The following MOBP variants were observed in gnomAD, a reference collection of about 807,000 sequenced individuals.
MOBP encodes myelin associated oligodendrocyte basic protein, also known as myelin-associated oligodendrocyte basic protein.
In MOBP, 5 loss-of-function variants were observed where a neutral mutation model predicts 15.0. The ratio of observed to expected loss-of-function variants is 0.33; its 90% CI spans 0.17 to 0.70. The LOEUF is 0.70. MOBP is among the 30% of genes least tolerant of loss of function. MOBP has a pLI of 0.67. For missense variants in MOBP, 188 were observed against 257.8 expected (o/e 0.73, Z 1.85); for synonymous variants, 88 against 99.0 (o/e 0.89, Z 0.66).
chr3:39,500,680 T>C (rs2042956749), intron 2 of MOBP, among the ~76,000 whole-genome samples: 1 of 151,864 alleles, frequency 6.6e-6, no homozygotes, highest in Non-Finnish European at 1.5e-5. Context: ...AGGGAAAAAA[T>C]ATTAATACCT....
At chr3:39,471,620 C>T (rs966479887) in intron 1 of MOBP, among the ~76,000 whole-genome samples, 1 of 152,116 alleles carries the variant, frequency 6.6e-6, no homozygotes, top group Admixed American at 6.5e-5. Context: ...AAGTCTGGAA[C>T]GTCTCCATTC....
chr3:39,477,691 G>A (rs1326816487), intron 1 of MOBP, among the ~76,000 whole-genome samples: 6 of 150,762 alleles, frequency 4.0e-5, no homozygotes, highest in Admixed American at 2.0e-4. Context: ...TGTTGTCATA[G>A]GAGATGACAG....
chr3:39,484,231 C>T (rs2042668562), intron 2 of MOBP, among the ~76,000 whole-genome samples: 1 of 152,190 alleles, frequency 6.6e-6, no homozygotes, highest in African/African-American at 2.4e-5. Flanking sequence ...AGGGAAAAGG[C>T]ATTCCAGGGA....
chr3:39,507,968 A>G (rs1470540915), downstream of MOBP, among the ~76,000 whole-genome samples: 1 of 152,184 alleles, frequency 6.6e-6, no homozygotes, highest in African/African-American at 2.4e-5. Context: ...TGCCTTCTGA[A>G]TATTTGTCTT....
In MOBP at chr3:39,493,121, G is replaced by A. The variant is rs1288828700; in HGVS notation, c.-4-8945G>A. On this transcript the variant is annotated intron_variant, in intron 2 of 3. Coordinates refer to ENST00000684792, the MANE Select transcript of MOBP (RefSeq NM_001393704.1). ...TCATGACATGATTATGCCACATCCC[G>A]ATTGCTTTTTTCAGAAAAGATGATA... Among the ~76,000 whole-genome samples the A allele has an allele frequency of 3.3e-5, 5 of 152,096 alleles. No individual in the cohort carries two copies. In the East Asian group the frequency reaches 7.7e-4, roughly 23 times the overall value.
At position 39,469,181 on chromosome 3, in the gene MOBP, T is replaced by TGTGTGTGTATATACATATATAC. The variant is rs2042424236; in HGVS notation, c.-89+1449_-89+1450insATATACATATATACGTGTGTGT. 5.9e-5 allele frequency among the ~76,000 whole-genome samples: 4 copies of TGTGTGTGTATATACATATATAC among 68,000 alleles called. 1 individual carries two copies. The highest frequency in any genetic ancestry group is 3.0e-4 in the Admixed American group (2 of 6,636). 44.6% of individuals were successfully genotyped at this position (68,000 alleles called of 152,430 possible). ...GTGTGTGTGTATACATATATACATG[T>TGTGTGTGTATATACATATATAC]GTGTGTGTGTATATACATATATACA... On this transcript the variant is annotated intron_variant, in intron 1 of 3. Coordinates refer to ENST00000684792, the MANE Select transcript of MOBP (RefSeq NM_001393704.1).
At chr3:39,518,017 TTATC>T (rs1408424452), downstream of MOBP, among the ~76,000 whole-genome samples, 5 of 152,204 alleles carry the variant, frequency 3.3e-5, no homozygotes, top group Non-Finnish European at 5.9e-5. Context: ...AGCAAATCAG[TTATC>T]TATCATAATT....
chr3:39,512,343 T>C (rs1474345339), intron 4 of MOBP, among the ~76,000 whole-genome samples: 1 of 152,164 alleles, frequency 6.6e-6, no homozygotes, highest in Non-Finnish European at 1.5e-5. Flanking sequence ...GCAGTATCTA[T>C]GGGGAGTTCG....
chr3:39,493,981 C>T (rs1015094039), intron 2 of MOBP, among the ~76,000 whole-genome samples: 6 of 152,094 alleles, frequency 3.9e-5, no homozygotes, highest in African/African-American at 1.4e-4. Context: ...AATAAAAAGC[C>T]TTATTATTGA....
At chr3:39,528,850 GCTT>G (rs1288587418), downstream of MOBP, 1 of 152,252 alleles carries the variant, frequency 6.6e-6, no homozygotes, top group Non-Finnish European at 1.5e-5. Context: ...GAGTAGGCCT[GCTT>G]CTTCCCATGA....
downstream of MOBP, among the ~76,000 whole-genome samples, chr3:39,503,242 A>G (rs533725764): frequency 6.5e-4 from 88 of 135,424 alleles, 1 homozygote; most frequent in African/African-American, 2.2e-3. Flanking sequence ...TATAAGTAAA[A>G]GGAGAGGGTA....
At chr3:39,478,846 T>G (rs558506662) in intron 1 of MOBP, among the ~76,000 whole-genome samples, 29 of 137,938 alleles carry the variant, frequency 2.1e-4, no homozygotes, top group African/African-American at 7.5e-4. Context: ...TTTTTTTTTC[T>G]TGAGATGGAG....
intron 2 of MOBP, among the ~76,000 whole-genome samples, chr3:39,499,003 TCTC>T (rs1343531626): frequency 3.3e-5 from 5 of 152,268 alleles, no homozygotes; most frequent in Admixed American, 2.0e-4. Flanking sequence ...ACTAGTTATT[TCTC>T]AAACAGTTGG....
At chr3:39,513,567 G>A (rs2125669542) in exon 5 of MOBP, 5 of 829,886 alleles carry the variant, frequency 6.0e-6, no homozygotes, top group Non-Finnish European at 7.7e-6. Context: ...GATGCTCATG[G>A]TCCCCATGGC....
At chr3:39,515,779 G>A (rs2043194189) in exon 5 of MOBP, 1 of 152,142 alleles carries the variant, frequency 6.6e-6, no homozygotes, top group African/African-American at 2.4e-5. Flanking sequence ...AAAACTCGGT[G>A]CTGTTTCCAT....
rs1559412358 is a variant in MOBP at position 39,469,223 on chromosome 3, T to TATATACATATGTGTGTATATATACAC, written c.-89+1499_-89+1500insATATATACACATATACATATGTGTGT. Among the ~76,000 whole-genome samples the TATATACATATGTGTGTATATATACAC allele has an allele frequency of 1.9e-4, 23 of 120,248 alleles. 6 individuals carry two copies. Among genetic ancestry groups the TATATACATATGTGTGTATATATACAC allele is most frequent in the African/African-American group, 9.0e-4 (20 of 22,102 alleles). The allele number at this position is 120,248 out of a possible 152,430, so 78.9% of individuals were successfully genotyped here. Reference sequence around the variant, plus strand: ...ATATATACATGTGTGTGTATATACATATATACATATGTGTGTGTATATATA... The same window carrying TATATACATATGTGTGTATATATACAC: ...ATATATACATGTGTGTGTATATACATATATACATATGTGTGTATATATACACATATACATATGTGTGTGTATATATA... On this transcript the variant is annotated intron_variant, in intron 1 of 3. Transcript: ENST00000684792.
At chr3:39,506,166 G>A (rs1019884492), downstream of MOBP, among the ~76,000 whole-genome samples, 3 of 152,002 alleles carry the variant, frequency 2.0e-5, no homozygotes, top group Non-Finnish European at 4.4e-5. Flanking sequence ...TTTCTCATTA[G>A]CATTTTGACG....
rs756107854 is a variant in MOBP, at chr3:39,502,255, C to T, written c.186C>T (p.Cys62=). ...FYQKKEEDWI[C]CACQKTRTSR... ...AGAAGAAAGAGGAGGACTGGATCTG[C>T]TGCGCCTGCCAGAAGACCAGGTAAG... is the stretch of plus-strand genomic sequence containing the variant. Residue 62 remains cysteine, a synonymous_variant, in exon 3 of 4, where the codon TGC becomes TGT. Transcript: ENST00000684792. This position sits in a 1 kb window ranked among gnomAD's most constrained non-coding sequence, Gnocchi z 6.3. 2.5e-6 allele frequency: 4 copies of T among 1,614,066 alleles called. No homozygotes were observed. Among genetic ancestry groups the T allele is most frequent in the Admixed American group, 3.3e-5 (2 of 60,012 alleles).
At chr3:39,481,187 G>A (rs2042623317) in intron 2 of MOBP, among the ~76,000 whole-genome samples, 1 of 152,142 alleles carries the variant, frequency 6.6e-6, no homozygotes, top group Non-Finnish European at 1.5e-5. Flanking sequence ...AAACAGAGTG[G>A]AGCAGATTTG....
Sources: gnomAD v4.1 joint callset for allele counts (sites outside exome capture counted in the v4.1 genomes callset) on GRCh38, gnomAD v4.1.1 for gene constraint, Gnocchi (gnomAD v3.1) non-coding constraint, MANE v1.5 for transcripts, NCBI Gene and HGNC (gene_info 2026-07-23, HGNC 2026-07-21) for gene names.